Variants in FER observed in about 807,000 individuals in gnomAD.
The protein encoded by FER is tyrosine-protein kinase Fer.
Under a neutral mutation model 111.0 loss-of-function variants are expected in FER, and 63 were observed. The ratio of observed to expected loss-of-function variants is 0.57; its 90% CI spans 0.46 to 0.70. The LOEUF (loss-of-function observed/expected upper bound fraction) is 0.70. FER is among the 30% of genes least tolerant of loss of function. FER has a pLI of 0.00. For missense variants in FER, 914 were observed against 954.0 expected (o/e 0.96, Z 0.55); for synonymous variants, 327 against 313.9 (o/e 1.04, Z -0.44).
chr5:109,055,060 G>A (rs1773446393), intron 16 of FER, among the ~76,000 whole-genome samples: 2 of 152,108 alleles, frequency 1.3e-5, no homozygotes, highest in South Asian at 2.1e-4. Flanking sequence ...AAGACACAAA[G>A]GGGAAAGAAT....
Position 109,119,188 on chromosome 5 carries a change from C to G in FER, c.2048+18669C>G, listed in dbSNP as rs1428323325. Among the ~76,000 whole-genome samples, 3 of 152,224 alleles carry G rather than the reference C, an allele frequency of 2.0e-5. No homozygotes were observed. In the East Asian group the frequency reaches 5.8e-4, roughly 29 times the overall value. On this transcript the variant is annotated intron_variant, in intron 17 of 19. Coordinates refer to ENST00000281092, the MANE Select transcript of FER (RefSeq NM_005246.4). ...TCTACACACTGCTTTGAATGTGTCT[C>G]AGAGATTCTGGTATGTTGTGTGTTT...
intron 13 of FER, among the ~76,000 whole-genome samples, chr5:108,998,128 T>C (rs1581578884): frequency 1.5e-5 from 2 of 135,758 alleles, no homozygotes; most frequent in South Asian, 2.5e-4. Context: ...CATCTCCCTT[T>C]CCCCGGGGGA....
intron 16 of FER, among the ~76,000 whole-genome samples, chr5:109,062,398 C>T (rs1284817018): frequency 2.0e-5 from 3 of 152,066 alleles, no homozygotes; most frequent in Non-Finnish European, 4.4e-5. Context: ...TGGTGGTGTA[C>T]ACCTGTAATC....
chr5:109,058,894 G>A (rs1396126434), intron 16 of FER, among the ~76,000 whole-genome samples: 5 of 151,126 alleles, frequency 3.3e-5, no homozygotes, highest in Non-Finnish European at 7.4e-5. Context: ...CACCATGCCC[G>A]GCTAATTTTT....
intron 17 of FER, among the ~76,000 whole-genome samples, chr5:109,106,063 T>C (rs1170319539): frequency 1.3e-5 from 2 of 152,226 alleles, no homozygotes. Context: ...CTCAGCACTC[T>C]GGTTCTAAGG....
At chr5:108,818,698 A>G (rs1436845991) in intron 3 of FER, among the ~76,000 whole-genome samples, 6 of 152,128 alleles carry the variant, frequency 3.9e-5, no homozygotes, top group African/African-American at 2.4e-5. Flanking sequence ...ATTTTATTTA[A>G]TTGTTCTGTT....
chr5:108,820,233 G>C (rs1248825663), intron 3 of FER: 2 of 985,324 alleles, frequency 2.0e-6, no homozygotes, highest in African/African-American at 3.5e-5. Context: ...AAGTCAAGGA[G>C]TTTGTGAGGA....
At chr5:108,819,629 AAG>A (rs763181369) in intron 3 of FER, among the ~76,000 whole-genome samples, 1 of 152,208 alleles carries the variant, frequency 6.6e-6, no homozygotes, top group Non-Finnish European at 1.5e-5. Flanking sequence ...CAGTATGTAA[AAG>A]AGGCAGAGAG....
At chr5:109,094,053 G>T (rs1406898227) in intron 16 of FER, among the ~76,000 whole-genome samples, 25 of 152,058 alleles carry the variant, frequency 1.6e-4, no homozygotes, top group Non-Finnish European at 1.5e-5. Context: ...GGCAAACAGT[G>T]GGTTGTGAAT....
At chr5:109,040,119 C>T (rs1770950129) in intron 14 of FER, among the ~76,000 whole-genome samples, 2 of 152,062 alleles carry the variant, frequency 1.3e-5, no homozygotes, top group African/African-American at 2.4e-5. Flanking sequence ...AAGAGGTGTT[C>T]AGTTTTGGAT....
rs1749371427 is a variant in FER at position 108,897,807 on chromosome 5, G to C, written c.1195G>C (p.Val399Leu). The C allele has an allele frequency of 1.2e-6, 2 of 1,612,486 alleles. No individual in the cohort carries two copies. The highest frequency in any genetic ancestry group is 1.7e-6 in the Non-Finnish European group (2 of 1,179,428). The change falls in exon 10 of 20, where the codon GTA (valine) becomes CTA (leucine). Residue 399 changes from valine to leucine, a missense_variant. This residue lies in a region of FER where 774 missense variants were observed against 782.6 expected (regional missense o/e 0.99). Transcript: ENST00000281092. ...AAATGATGGGAAAGAGCCACCTCCAGTAGTAAATTATGAAGAAGATGCACG... is the reference window on the plus strand; with the variant it reads ...AAATGATGGGAAAGAGCCACCTCCACTAGTAAATTATGAAGAAGATGCACG... ...QENDGKEPPP[V>L]VNYEEDARSV...
chr5:109,101,472 A>G (rs1332987256), intron 17 of FER, among the ~76,000 whole-genome samples: 3 of 151,998 alleles, frequency 2.0e-5, no homozygotes, highest in African/African-American at 4.8e-5. Context: ...CACCTTAACT[A>G]TACATTTATT....
chr5:108,770,842 T>G (rs1178293824), intron 2 of FER, among the ~76,000 whole-genome samples: 1 of 152,184 alleles, frequency 6.6e-6, no homozygotes, highest in Non-Finnish European at 1.5e-5. Flanking sequence ...ATATTTCAGG[T>G]GCAAAGTGAA....
intron 17 of FER, among the ~76,000 whole-genome samples, chr5:109,155,697 G>A (rs756693671): frequency 2.2e-4 from 34 of 151,962 alleles, no homozygotes; most frequent in Non-Finnish European, 4.0e-4. Context: ...ATACCAGAGA[G>A]CTTGATGATA....
chr5:109,079,788 G>C (rs936258924), intron 16 of FER, among the ~76,000 whole-genome samples: 4 of 152,002 alleles, frequency 2.6e-5, no homozygotes, highest in African/African-American at 9.7e-5. Flanking sequence ...ACCTTTCCCT[G>C]CTTAAACTGC....
At chr5:108,991,919 C>T (rs1047815319) in intron 13 of FER, among the ~76,000 whole-genome samples, 2 of 149,726 alleles carry the variant, frequency 1.3e-5, no homozygotes, top group East Asian at 3.9e-4. Flanking sequence ...GGGTGTTTCT[C>T]GCAGAGGGGG....
intron 17 of FER, among the ~76,000 whole-genome samples, chr5:109,160,001 C>A (rs1726403820): frequency 6.6e-6 from 1 of 152,110 alleles, no homozygotes; most frequent in Non-Finnish European, 1.5e-5. Context: ...CCAACTTAAA[C>A]CTTGTAAGAG....
At chr5:108,909,025 T>A (rs1445675793) in intron 10 of FER, among the ~76,000 whole-genome samples, 1 of 152,198 alleles carries the variant, frequency 6.6e-6, no homozygotes, top group Non-Finnish European at 1.5e-5. Flanking sequence ...AACCAGACCC[T>A]GTGTTAGAAA....
intron 2 of FER, among the ~76,000 whole-genome samples, chr5:108,778,407 C>A (rs10062211): frequency 0.24 from 36,331 of 152,102 alleles, 4,612 homozygotes; most frequent in African/African-American, 0.32. Flanking sequence ...AACTGCCAAA[C>A]TGTCTTCCAA....
Sources: allele counts gnomAD v4.1 joint callset (sites outside exome capture counted in the v4.1 genomes callset), GRCh38; gene constraint gnomAD v4.1.1; regional missense constraint gnomAD v4.1.1; transcripts MANE v1.5; gene names NCBI Gene and HGNC (gene_info 2026-07-23, HGNC 2026-07-21).